Variants in NEB observed in about 807,000 individuals in gnomAD.
NEB encodes the protein nebulin.
Under a neutral mutation model 952.2 loss-of-function variants are expected in NEB, and 512 were observed. The ratio of observed to expected loss-of-function variants is 0.54; its 90% CI spans 0.50 to 0.58. The LOEUF is 0.58. Ranked by LOEUF, NEB falls within the 20% of genes least tolerant of loss-of-function variation. NEB has a pLI of 0.00. For synonymous variants in NEB, 2,900 were observed against 3,149.8 expected (o/e 0.92, Z 2.66); for missense variants, 8,428 against 9,231.1 (o/e 0.91, Z 3.56).
At chr2:151,616,383 A>G (rs952259220) in intron 75 of NEB, among the ~76,000 whole-genome samples, 1 of 152,096 alleles carries the variant, frequency 6.6e-6, no homozygotes, top group African/African-American at 2.4e-5. Flanking sequence ...AAACAAGCAG[A>G]TGTAAAAAAA....
intron 168 of NEB, among the ~76,000 whole-genome samples, chr2:151,500,312 C>T (rs2063455912): frequency 6.6e-6 from 1 of 151,970 alleles, no homozygotes; most frequent in Admixed American, 6.6e-5. Flanking sequence ...TGGATTAATT[C>T]CCACTCCCCA....
chr2:151,640,280 A>G, intron 61 of NEB, 75 bp downstream of exon 61: 23 of 1,572,154 alleles, frequency 1.5e-5, no homozygotes, highest in Non-Finnish European at 2.0e-5. Context: ...AGCTTGTGCC[A>G]TATATTGCCA....
rs775457713 is a variant in NEB, at chr2:151,630,748, C to A, written c.9690G>T (p.Met3230Ile). The part of the protein sequence containing the change: ...IHIMPDTPEI[M>I]LARQNKINYS... ...AGTTGATTTTGTTCTGCCTTGCCAA[C>A]ATAATCTCTGGTGTATCAGGCATTA... Residue 3230 changes from methionine (M) to isoleucine (I), a missense_variant, in exon 67 of 182, where the codon ATG becomes ATT. Physicochemically the swap from Met to Ile is conservative, Grantham distance 10 (BLOSUM62 1). Coordinates refer to ENST00000397345, the MANE Select transcript of NEB (RefSeq NM_001164508.2). 6.2e-7 allele frequency: 1 copy of A among 1,611,204 alleles called. No individual in the cohort carries two copies. Among genetic ancestry groups the A allele is most frequent in the Non-Finnish European group, 8.5e-7 (1 of 1,178,572 alleles).
rs2085453116 is a variant in NEB, at chr2:151,525,887, G to A, written c.22161+71C>T. ...TACATAAAGGAAGCAAAAGGCAACTGACATTATTTCACCAGATTCTACAGT... is the reference window on the plus strand; with the variant it reads ...TACATAAAGGAAGCAAAAGGCAACTAACATTATTTCACCAGATTCTACAGT... On this transcript the variant is annotated intron_variant, in intron 150 of 181. Coordinates refer to ENST00000397345, the MANE Select transcript of NEB (RefSeq NM_001164508.2). 3.3e-6 allele frequency: 4 copies of A among 1,196,978 alleles called. No individual in the cohort carries two copies. In the South Asian group the frequency reaches 3.6e-5, roughly 11 times the overall value. The allele number at this position is 1,196,978 out of a possible 1,614,324, so 74.1% of individuals were successfully genotyped here. A position where few individuals can be genotyped will look rare whatever the true frequency, so the allele number is the denominator to read the frequency against.
chr2:151,535,288 G>A (rs1044942619), intron 142 of NEB, among the ~76,000 whole-genome samples: 1 of 152,184 alleles, frequency 6.6e-6, no homozygotes, highest in Non-Finnish European at 1.5e-5. Flanking sequence ...TGACATTTTG[G>A]TGCCTTAGTA....
chr2:151,658,316 T>G (rs1276377949), intron 47 of NEB, among the ~76,000 whole-genome samples: 1 of 152,120 alleles, frequency 6.6e-6, no homozygotes, highest in African/African-American at 2.4e-5. Flanking sequence ...AAGTAAAAGT[T>G]ACTGGTCTCT....
intron 146 of NEB, 46 bp downstream of exon 146, chr2:151,529,164 A>G: frequency 7.8e-7 from 1 of 1,287,108 alleles, no homozygotes. Context: ...GTCCTACAGA[A>G]GCTGGTAAAT....
intron 107 of NEB, among the ~76,000 whole-genome samples, chr2:151,571,381 T>C (rs2096623247): frequency 1.3e-5 from 2 of 152,354 alleles, no homozygotes; most frequent in Admixed American, 1.3e-4. Context: ...AAAAAGGGTT[T>C]GGCTTTGTTT....
At chr2:151,640,313 A>C (rs773510588) in intron 61 of NEB, 42 bp downstream of exon 61, 1 of 1,594,594 alleles carries the variant, frequency 6.3e-7, no homozygotes, top group Non-Finnish European at 8.6e-7. Context: ...GGTGTTAAAT[A>C]ATTTCCCACC....
chr2:151,541,585 G>A, intron 135 of NEB, 34 bp from the exon 136 acceptor site: 1 of 1,535,882 alleles, frequency 6.5e-7, no homozygotes, highest in Non-Finnish European at 9.0e-7. Flanking sequence ...CATCATTTCT[G>A]TTTCATGGGC....
intron 112 of NEB, 21 bp downstream of exon 112, chr2:151,568,295 G>C: frequency 1.2e-6 from 2 of 1,607,454 alleles, no homozygotes; most frequent in Non-Finnish European, 8.5e-7. Context: ...CAAACACCAG[G>C]CATGTGGGTG....
intron 117 of NEB, 89 bp from the exon 118 acceptor site, chr2:151,564,019 TGTATGTTCAA>T: frequency 2.1e-6 from 2 of 959,890 alleles, no homozygotes; most frequent in Non-Finnish European, 3.2e-6. Flanking sequence ...AGGTGAAACA[TGTATGTTCAA>T]GGCAAGGCTG....
Position 151,642,796 on chromosome 2 carries a change from A to C in NEB, c.8234T>G (p.Leu2745Ter). 4 of 1,612,720 alleles carry C rather than the reference A, an allele frequency of 2.5e-6. No homozygotes were observed. The highest frequency in any genetic ancestry group is 3.4e-6 in the Non-Finnish European group (4 of 1,179,090). The change falls in exon 59 of 182, where the codon TTA (leucine) becomes TGA (stop). Residue 2745 changes from leucine (L) to a stop codon, truncating the protein, a stop_gained. Coordinates refer to ENST00000397345, the MANE Select transcript of NEB (RefSeq NM_001164508.2). LOFTEE classifies it high-confidence loss of function. ...GTAATTTACTTTGTTTTGTTTAGCT[A>C]ATAAAACTTCAGGGGTATCTGGCAT... Reference protein sequence around the residue: ...HIMPDTPEVLLAKQNKVNYSE... With the variant: ...HIMPDTPEVL
At chr2:151,533,683 A>G in intron 142 of NEB, 137 bp from the exon 143 acceptor site, 1 of 599,678 alleles carries the variant, frequency 1.7e-6, no homozygotes, top group East Asian at 2.8e-5. Flanking sequence ...GCGGGTGAAG[A>G]CATCAAATAC....
rs2095556235 is a variant in NEB at position 151,555,020 on chromosome 2, T to C, written c.19339A>G (p.Lys6447Glu). The C allele has an allele frequency of 1.2e-6, 2 of 1,611,712 alleles. No homozygotes were observed. The highest frequency in any genetic ancestry group is 1.7e-6 in the Non-Finnish European group (2 of 1,177,964). ...SHIKYREEYE[K>E]FKALYTLPRS... is the part of the protein sequence containing the mutation. ...GGTAACGTATAAAGAGCTTTGAACT[T>C]TTCATATTCTTCCCGATATTTGATC... The change falls in exon 125 of 182, where the codon AAG (lysine) becomes GAG (glutamate). Residue 6447 changes from lysine (K) to glutamate (E), a missense_variant. Around this residue, in one of 11 missense-constraint regions of NEB, gnomAD observed 3,374 missense variants for 3,651.5 expected, o/e 0.92. Transcript: ENST00000397345.
intron 72 of NEB, among the ~76,000 whole-genome samples, chr2:151,620,370 T>C (rs1313328469): frequency 1.2e-5 from 1 of 80,418 alleles, no homozygotes; most frequent in East Asian, 5.7e-4. Flanking sequence ...TATATATATA[T>C]ATATATATAT....
In NEB at chr2:151,636,296, T is replaced by C. The variant is rs1419373235; in HGVS notation, c.9033A>G (p.Lys3011=). ...TGGCGTCGCTTCGCAAGTCATAGCCTTTCTTCTTTGCTTCTTCATTAGCAA... is the reference window on the plus strand; with the variant it reads ...TGGCGTCGCTTCGCAAGTCATAGCCCTTCTTCTTTGCTTCTTCATTAGCAA... ...YKLANEEAKK[K]GYDLRSDAIP... Residue 3011 remains lysine, a synonymous_variant, in exon 64 of 182, where the codon AAA becomes AAG. Coordinates refer to ENST00000397345, the MANE Select transcript of NEB (RefSeq NM_001164508.2). 1 of 1,609,198 alleles carries C rather than the reference T, an allele frequency of 6.2e-7. No homozygotes were observed. The highest frequency in any genetic ancestry group is 8.5e-7 in the Non-Finnish European group (1 of 1,179,704).
chr2:151,657,307 T>C (rs1182874609), intron 48 of NEB, among the ~76,000 whole-genome samples: 1 of 152,110 alleles, frequency 6.6e-6, no homozygotes, highest in African/African-American at 2.4e-5. Flanking sequence ...TGTTTTGAAA[T>C]ATGCTCCTCC....
intron 24 of NEB, 91 bp from the exon 25 acceptor site, chr2:151,688,487 T>C (rs889564629): frequency 2.1e-6 from 2 of 931,192 alleles, no homozygotes; most frequent in Non-Finnish European, 3.4e-6. Context: ...GTGCTGTTTT[T>C]AGAAAAATGC....
Sources: gnomAD v4.1 joint callset for allele counts (sites outside exome capture counted in the v4.1 genomes callset) on GRCh38, gnomAD v4.1.1 for gene constraint, gnomAD v4.1.1 regional missense constraint, MANE v1.5 for transcripts, NCBI Gene and HGNC (gene_info 2026-07-23, HGNC 2026-07-21) for gene names.